SLC35B4: variants seen among roughly 807,000 people sequenced by gnomAD.
SLC35B4 encodes solute carrier family 35 member B4, also known as nucleotide sugar transporter SLC35B4.
In SLC35B4, 28 loss-of-function variants were observed where a neutral mutation model predicts 39.5. The observed-to-expected ratio is 0.71, with a 90% confidence interval of 0.53 to 0.97. The LOEUF is 0.97. Ranked by LOEUF, SLC35B4 falls within the 50% of genes least tolerant of loss-of-function variation. The pLI is 0.00. For synonymous variants in SLC35B4, 145 were observed against 150.4 expected (o/e 0.96, Z 0.26); for missense variants, 334 against 414.3 (o/e 0.81, Z 1.68).
rs911102096 is a variant in SLC35B4 at position 134,294,194 on chromosome 7, A to G, written c.*639T>C. On this transcript the variant is annotated 3_prime_UTR_variant, in exon 10 of 10. Transcript: ENST00000378509. ...ATAGAAGCATCTGACTTTTGCATAGAAAAAAAAAAAAGCAAAATGTGGGAA... is the reference window on the plus strand; with the variant it reads ...ATAGAAGCATCTGACTTTTGCATAGGAAAAAAAAAAAGCAAAATGTGGGAA... The G allele has an allele frequency of 2.8e-5, 4 of 141,002 alleles. No homozygotes were observed. The highest frequency in any genetic ancestry group is 6.1e-5 in the Non-Finnish European group (4 of 65,972). 8.7% of individuals were successfully genotyped at this position (141,002 alleles called of 1,614,324 possible). A position where few individuals can be genotyped will look rare whatever the true frequency, so the allele number is the denominator to read the frequency against.
chr7:134,295,161 T>C, intron 9 of SLC35B4, 82 bp from the exon 10 acceptor site: 2 of 1,531,616 alleles, frequency 1.3e-6, no homozygotes, highest in Middle Eastern at 2.2e-4. Context: ...GGTCCCTGGT[T>C]TAACTTCTCA....
chr7:134,295,047 G>C lies in SLC35B4; in HGVS notation c.782C>G (p.Thr261Ser), dbSNP rs147598026. The C allele has an allele frequency of 5.5e-5, 89 of 1,614,196 alleles. No individual in the cohort carries two copies. In the African/African-American group the frequency reaches 9.3e-4, roughly 17 times the overall value. The change falls in exon 10 of 10, where the codon ACC becomes AGC. Residue 261 changes from threonine to serine, a missense_variant. Physicochemically the swap from Thr to Ser is moderately conservative, Grantham distance 58. Coordinates refer to ENST00000378509, the MANE Select transcript of SLC35B4 (RefSeq NM_032826.5). ...YVCIRGVFILTTECASLTVTL... is the reference protein window; with the variant it reads ...YVCIRGVFILSTECASLTVTL... ...GACGGTGAGGGAGGCGCATTCTGTG[G>C]TGAGGATAAACACACCCCGGATGCA... is the stretch of plus-strand genomic sequence containing the variant.
intron 3 of SLC35B4, among the ~76,000 whole-genome samples, chr7:134,305,697 T>C: frequency 6.6e-6 from 1 of 152,058 alleles, no homozygotes. Context: ...TCAGACGGAG[T>C]TTTGCTCTTG....
rs567333098 is a variant in SLC35B4 at position 134,315,029 on chromosome 7, CAG to C, written c.77+1644_77+1645del. Among the ~76,000 whole-genome samples the C allele has an allele frequency of 1.9e-3, 293 of 152,248 alleles. 2 individuals carry two copies. The highest frequency in any genetic ancestry group is 6.6e-3 in the African/African-American group (274 of 41,548). On this transcript the variant is annotated intron_variant, in intron 1 of 9. Coordinates refer to ENST00000378509, the MANE Select transcript of SLC35B4 (RefSeq NM_032826.5). ...CGTAACAGCAAAACTTAACCCCACA[CAG>C]AGTTTACCTTAAGTAAACTGGTTGC...
At chr7:134,296,279 TC>T in intron 9 of SLC35B4, 111 bp downstream of exon 9, 1 of 960,570 alleles carries the variant, frequency 1.0e-6, no homozygotes, top group Non-Finnish European at 1.6e-6. Context: ...GCAGAATAAA[TC>T]CAGCGAAAAT....
chr7:134,300,565 A>C (rs111845602), intron 6 of SLC35B4, among the ~76,000 whole-genome samples: 2 of 152,318 alleles, frequency 1.3e-5, no homozygotes, highest in African/African-American at 4.8e-5. Flanking sequence ...TCAGTCATTA[A>C]AATTTTTTAA....
rs1803998416 is a variant in SLC35B4 at position 134,316,883 on chromosome 7, G to A, written c.-132C>T. The A allele has an allele frequency of 3.6e-6, 3 of 834,796 alleles. No homozygotes were observed. Among genetic ancestry groups the A allele is most frequent in the Admixed American group, 2.4e-5 (1 of 41,098 alleles). The allele number at this position is 834,796 out of a possible 1,614,324, so 51.7% of individuals were successfully genotyped here. A position where few individuals can be genotyped will look rare whatever the true frequency, so the allele number is the denominator to read the frequency against. On this transcript the variant is annotated 5_prime_UTR_variant, in exon 1 of 10. Transcript: ENST00000378509. ...TCCTGGAAAGCCGCTCTCACTGGGG[G>A]CCGCCGCGGTCTCCCCTTCTCCCGC...
At chr7:134,301,914 C>G in intron 5 of SLC35B4, 93 bp from the exon 6 acceptor site, 1 of 1,499,000 alleles carries the variant, frequency 6.7e-7, no homozygotes, top group Non-Finnish European at 9.2e-7. Flanking sequence ...CCATTTCCCT[C>G]CCCTCTTCTC....
At chr7:134,304,966 T>A in intron 3 of SLC35B4, 112 bp from the exon 4 acceptor site, 23 of 685,136 alleles carry the variant, frequency 3.4e-5, no homozygotes, top group Non-Finnish European at 5.2e-5. Flanking sequence ...TGAAGGAAGC[T>A]AGGATGAATA....
intron 1 of SLC35B4, among the ~76,000 whole-genome samples, chr7:134,311,089 TTGCTAC>T (rs1188917048): frequency 1.3e-5 from 2 of 152,204 alleles, no homozygotes; most frequent in African/African-American, 4.8e-5. Flanking sequence ...AACAGAAATG[TTGCTAC>T]TCTTTAAGCT....
intron 1 of SLC35B4, among the ~76,000 whole-genome samples, chr7:134,312,258 A>G (rs1463839340): frequency 6.6e-6 from 1 of 152,208 alleles, no homozygotes; most frequent in Non-Finnish European, 1.5e-5. Flanking sequence ...ATGAGAAAAT[A>G]CATGTAAGTG....
chr7:134,312,030 C>A (rs1277793006), intron 1 of SLC35B4, among the ~76,000 whole-genome samples: 1 of 152,118 alleles, frequency 6.6e-6, no homozygotes, highest in Non-Finnish European at 1.5e-5. Flanking sequence ...AAAATGGAAA[C>A]CATATGAGTG....
intron 7 of SLC35B4, among the ~76,000 whole-genome samples, chr7:134,299,946 C>T (rs1369453458): frequency 6.6e-6 from 1 of 152,166 alleles, no homozygotes; most frequent in African/African-American, 2.4e-5. Flanking sequence ...ATTTAATTTG[C>T]TTTGATTGAT....
chr7:134,294,983 G>A lies in SLC35B4; in HGVS notation c.846C>T (p.Ile282=). ...VVTLRKFVSL[I]FSILYFQNPF... is the part of the protein sequence containing the mutation. ...GGTTCTGGAAGTACAAGATGGAAAA[G>A]ATGAGGCTCACAAATTTGCGTAGGG... The change falls in exon 10 of 10, where the codon ATC becomes ATT. Residue 282 remains isoleucine (I), a synonymous_variant. Coordinates refer to ENST00000378509, the MANE Select transcript of SLC35B4 (RefSeq NM_032826.5). 6.2e-7 allele frequency: 1 copy of A among 1,614,224 alleles called. No individual in the cohort carries two copies. Among genetic ancestry groups the A allele is most frequent in the Non-Finnish European group, 8.5e-7 (1 of 1,180,042 alleles).
At chr7:134,298,582 G>A (rs762933811) in intron 8 of SLC35B4, among the ~76,000 whole-genome samples, 7 of 152,140 alleles carry the variant, frequency 4.6e-5, no homozygotes, top group Admixed American at 4.6e-4. Flanking sequence ...CCTTTGCTAC[G>A]TGGGACTTCT....
chr7:134,304,234 C>T (rs57542305), intron 4 of SLC35B4, among the ~76,000 whole-genome samples: 32 of 151,908 alleles, frequency 2.1e-4, no homozygotes, highest in African/African-American at 6.3e-4. Flanking sequence ...ACCAAAAATA[C>T]AAAAAAGTTA....
At chr7:134,309,998 G>A (rs887664787) in intron 1 of SLC35B4, among the ~76,000 whole-genome samples, 2 of 152,272 alleles carry the variant, frequency 1.3e-5, no homozygotes, top group Middle Eastern at 3.4e-3. Flanking sequence ...GCCCAGCAAC[G>A]GGGCAAAATT....
chr7:134,297,980 A>G (rs1196540234), intron 8 of SLC35B4, among the ~76,000 whole-genome samples: 3 of 152,238 alleles, frequency 2.0e-5, no homozygotes, highest in African/African-American at 2.4e-5. Context: ...AAGAGAATAC[A>G]GACATAGAAA....
chr7:134,298,811 T>G (rs1803521111), intron 8 of SLC35B4, among the ~76,000 whole-genome samples: 2 of 152,238 alleles, frequency 1.3e-5, no homozygotes, highest in South Asian at 4.1e-4. Flanking sequence ...CAAAATGCAC[T>G]TAAGCATTTG....
Sources: gnomAD v4.1 joint callset for allele counts (sites outside exome capture counted in the v4.1 genomes callset) on GRCh38, gnomAD v4.1.1 for gene constraint, MANE v1.5 for transcripts, NCBI Gene and HGNC (gene_info 2026-07-23, HGNC 2026-07-21) for gene names.